Variants in TRAPPC9 observed in about 807,000 individuals in gnomAD.
The protein encoded by TRAPPC9 is trafficking protein particle complex subunit 9.
A neutral mutation model predicts 124.0 loss-of-function variants in TRAPPC9; 83 were observed. The observed-to-expected ratio is 0.67, with a 90% CI of 0.56 to 0.80. The LOEUF is 0.80. TRAPPC9 is among the 30% of genes least tolerant of loss of function. The probability of loss-of-function intolerance (pLI) is 0.00; values close to 1 mark genes in which losing one functional copy is unlikely to be tolerated. For synonymous variants in TRAPPC9, 638 were observed against 617.5 expected (o/e 1.03, Z -0.49); for missense variants, 1,302 against 1,508.3 (o/e 0.86, Z 2.27).
intron 17 of TRAPPC9, among the ~76,000 whole-genome samples, chr8:140,089,924 A>T (rs987112976): frequency 5.9e-5 from 9 of 151,460 alleles, no homozygotes; most frequent in Non-Finnish European, 1.2e-4. Context: ...CTAAAAATAT[A>T]AAAAAAGTAG....
At chr8:140,423,671 CATATACACAT>C (rs1212573709) in intron 5 of TRAPPC9, among the ~76,000 whole-genome samples, 2 of 150,714 alleles carry the variant, frequency 1.3e-5, no homozygotes, top group African/African-American at 4.9e-5. Flanking sequence ...CATATATACA[CATATACACAT>C]ATATACACAT....
At chr8:140,016,200 C>T (rs574029305) in intron 18 of TRAPPC9, among the ~76,000 whole-genome samples, 33 of 152,286 alleles carry the variant, frequency 2.2e-4, no homozygotes, top group African/African-American at 1.4e-4. Context: ...TTACATACAA[C>T]GAAATACACA....
intron 5 of TRAPPC9, among the ~76,000 whole-genome samples, chr8:140,407,129 C>G (rs981546106): frequency 3.9e-5 from 6 of 152,192 alleles, no homozygotes; most frequent in Admixed American, 6.5e-5. Flanking sequence ...TGAGAGTATT[C>G]TTAGTGTACC....
intron 17 of TRAPPC9, among the ~76,000 whole-genome samples, chr8:140,084,994 C>T (rs903050379): frequency 6.6e-5 from 10 of 152,170 alleles, no homozygotes; most frequent in Non-Finnish European, 1.3e-4. Flanking sequence ...GGCCTATGCT[C>T]GCAACGCTCG....
chr8:140,402,201 T>G (rs1395194107), intron 6 of TRAPPC9, among the ~76,000 whole-genome samples: 2 of 150,852 alleles, frequency 1.3e-5, no homozygotes, highest in Non-Finnish European at 3.0e-5. Flanking sequence ...ACCCTGTCAT[T>G]ACAAATAAAA....
At chr8:139,982,969 C>T (rs1429917703) in intron 19 of TRAPPC9, among the ~76,000 whole-genome samples, 1 of 152,186 alleles carries the variant, frequency 6.6e-6, no homozygotes, top group South Asian at 2.1e-4. Context: ...TCACTCGTCA[C>T]GTCGTGCTGT....
chr8:140,346,136 T>C (rs1316674672), intron 9 of TRAPPC9, among the ~76,000 whole-genome samples: 2 of 152,230 alleles, frequency 1.3e-5, no homozygotes, highest in East Asian at 1.9e-4. Context: ...TGGCACCAAA[T>C]AGAAACCGAG....
intron 1 of TRAPPC9, among the ~76,000 whole-genome samples, chr8:140,451,930 G>T (rs1268278227): frequency 6.6e-6 from 1 of 152,092 alleles, no homozygotes. Context: ...AGACCAGCCT[G>T]GCCAACATGG....
intron 17 of TRAPPC9, among the ~76,000 whole-genome samples, chr8:140,122,023 T>TTTTCTC (rs1554627649): frequency 5.1e-5 from 7 of 138,438 alleles, no homozygotes; most frequent in African/African-American, 1.9e-4. Context: ...CTTTCTTTCT[T>TTTTCTC]TCTCTCTCTC....
intron 15 of TRAPPC9, among the ~76,000 whole-genome samples, chr8:140,264,584 G>GA (rs1382005959): frequency 8.7e-5 from 12 of 137,890 alleles, no homozygotes; most frequent in Admixed American, 6.1e-4. Flanking sequence ...GGGGAAAGAA[G>GA]AGAGAGAGAG....
chr8:140,346,743 G>T (rs1039144268), intron 9 of TRAPPC9, among the ~76,000 whole-genome samples: 7 of 152,204 alleles, frequency 4.6e-5, no homozygotes, highest in Non-Finnish European at 7.3e-5. Context: ...AAAACAAAAA[G>T]TTGTTTCAGG....
chr8:140,134,073 A>AC (rs1303921399), intron 17 of TRAPPC9, among the ~76,000 whole-genome samples: 1 of 152,172 alleles, frequency 6.6e-6, no homozygotes, highest in Non-Finnish European at 1.5e-5. Context: ...TTGCAAAAGG[A>AC]CCCCAAATAG....
intron 17 of TRAPPC9, among the ~76,000 whole-genome samples, chr8:140,037,061 C>T (rs1379256841): frequency 1.3e-5 from 2 of 151,906 alleles, no homozygotes; most frequent in Non-Finnish European, 2.9e-5. Context: ...AGTCTTTCAG[C>T]CCTCTTGCTA....
chr8:139,888,727 C>G (rs1449286889), intron 20 of TRAPPC9, among the ~76,000 whole-genome samples: 1 of 152,232 alleles, frequency 6.6e-6, no homozygotes, highest in Non-Finnish European at 1.5e-5. Flanking sequence ...CCTATGTTTG[C>G]TGAACTGATA....
chr8:140,427,812 A>G (rs1399557854), intron 4 of TRAPPC9, among the ~76,000 whole-genome samples: 2 of 152,216 alleles, frequency 1.3e-5, no homozygotes, highest in African/African-American at 4.8e-5. Flanking sequence ...ATCTGTTTGT[A>G]AACGCAGACT....
At chr8:140,015,632 T>C (rs1488136895) in intron 18 of TRAPPC9, among the ~76,000 whole-genome samples, 1 of 130,380 alleles carries the variant, frequency 7.7e-6, no homozygotes, top group Non-Finnish European at 1.6e-5. Flanking sequence ...CTACTAAAAA[T>C]GAAAAACAAT....
intron 17 of TRAPPC9, among the ~76,000 whole-genome samples, chr8:140,114,195 C>A (rs541938052): frequency 1.3e-5 from 2 of 152,236 alleles, no homozygotes; most frequent in East Asian, 3.9e-4. Context: ...TAAACTAACA[C>A]CTCCAGGTCA....
chr8:140,351,342 G>A (rs951117094), intron 9 of TRAPPC9, among the ~76,000 whole-genome samples: 6 of 148,760 alleles, frequency 4.0e-5, no homozygotes, highest in African/African-American at 1.5e-4. Context: ...AAATATTTGG[G>A]GGAAAAAATT....
chr8:140,335,357 G>A (rs1301119873), intron 9 of TRAPPC9, among the ~76,000 whole-genome samples: 1 of 152,122 alleles, frequency 6.6e-6, no homozygotes, highest in Non-Finnish European at 1.5e-5. Context: ...ATCCCCACAT[G>A]AGAGAAACTC....
Sources: allele counts gnomAD v4.1 joint callset (sites outside exome capture counted in the v4.1 genomes callset), GRCh38; gene constraint gnomAD v4.1.1; transcripts MANE v1.5; gene names NCBI Gene and HGNC (gene_info 2026-07-23, HGNC 2026-07-21).